MED14: variants seen among roughly 807,000 people sequenced by gnomAD.
The protein encoded by MED14 is mediator of RNA polymerase II transcription subunit 14.
In MED14, 8 loss-of-function variants were observed where a neutral mutation model predicts 109.0. The observed-to-expected ratio is 0.07, with a 90% CI of 0.04 to 0.13. The LOEUF (loss-of-function observed/expected upper bound fraction) is 0.13. MED14 is among the 10% of genes least tolerant of loss of function. The probability of loss-of-function intolerance (pLI) is 1.00; values close to 1 mark genes in which losing one functional copy is unlikely to be tolerated. For missense variants in MED14, 711 were observed against 1,142.4 expected, an observed-to-expected ratio of 0.62 and a Z score of 5.44; for synonymous variants, 399 against 408.7, an observed-to-expected ratio of 0.98 and a Z score of 0.29.
In MED14 at chrX:40,675,164, T is replaced by C. The variant is rs1164846423; in HGVS notation, c.3021+57A>G. ...TCTTTCAATGAAGTCTTGACACCTATAGAACCTGTGAAGTTACAGAAATGT... is the reference window on the plus strand; with the variant it reads ...TCTTTCAATGAAGTCTTGACACCTACAGAACCTGTGAAGTTACAGAAATGT... On this transcript the variant is annotated intron_variant, in intron 22 of 30. Transcript: ENST00000324817. The C allele has an allele frequency of 5.5e-6, 6 of 1,082,998 alleles. No individual in the cohort carries two copies. The African/African-American group carries it at 5.7e-5, about 10-fold the overall frequency. The allele number at this position is 1,082,998 out of a possible 1,213,427, so 89.3% of individuals were successfully genotyped here.
chrX:40,668,477 CGTT>C (rs987116964), intron 23 of MED14, among the ~76,000 whole-genome samples: 1 of 108,759 alleles, frequency 9.2e-6, no homozygotes, highest in African/African-American at 3.4e-5. Flanking sequence ...AACAGTGAAA[CGTT>C]AACTTATTTA....
chrX:40,657,090 T>C (rs1319905557), intron 28 of MED14, among the ~76,000 whole-genome samples: 2 of 111,360 alleles, frequency 1.8e-5, no homozygotes, highest in Non-Finnish European at 3.8e-5. Context: ...AGTTTCACCA[T>C]GTTGGCCAGG....
In MED14 at chrX:40,689,030, C is replaced by G. The variant is rs72624278; in HGVS notation, c.1981-500G>C. ...AAAGATTTCCAATTTGTGCATTTAC[C>G]CAATGACATCTCTTTCCCAATTAAA... On this transcript the variant is annotated intron_variant, in intron 15 of 30. Coordinates refer to ENST00000324817, the MANE Select transcript of MED14 (RefSeq NM_004229.4). Among the ~76,000 whole-genome samples the G allele has an allele frequency of 6.7e-3, 750 of 111,930 alleles. 21 individuals are homozygous for G. The East Asian group carries it at 0.12, about 19-fold the overall frequency.
intron 3 of MED14, among the ~76,000 whole-genome samples, chrX:40,717,127 C>T (rs566061390): frequency 9.0e-6 from 1 of 110,670 alleles, no homozygotes; most frequent in Non-Finnish European, 1.9e-5. Context: ...ATATTCAAAA[C>T]GACCAGAAGA....
chrX:40,729,383 T>TA, intron 1 of MED14, 38 bp from the exon 2 acceptor site: 1 of 1,124,113 alleles, frequency 8.9e-7, no homozygotes, highest in South Asian at 1.9e-5. Context: ...GATACATGCA[T>TA]ACCTTCATTC....
chrX:40,682,771 T>C (rs1930167441), intron 17 of MED14, 22 bp from the exon 18 acceptor site: 1 of 1,202,998 alleles, frequency 8.3e-7, no homozygotes, highest in Admixed American at 2.2e-5. Flanking sequence ...AAAGAGAATA[T>C]TAATAGTAAT....
chrX:40,677,046 C>G (rs1929930088), intron 21 of MED14, among the ~76,000 whole-genome samples: 1 of 111,797 alleles, frequency 8.9e-6, no homozygotes, highest in Non-Finnish European at 1.9e-5. Context: ...CCTCCCAGAT[C>G]CTCTGCTATT....
chrX:40,648,906 T>G lies in MED14; in HGVS notation c.*2900A>C, dbSNP rs1307458932. ...TCACATCCTTAGACACACTGTCCATTCTCAAACCGAATGAAAAAAAAATTC... is the reference window on the plus strand; with the variant it reads ...TCACATCCTTAGACACACTGTCCATGCTCAAACCGAATGAAAAAAAAATTC... On this transcript the variant is annotated 3_prime_UTR_variant, in exon 31 of 31. Transcript: ENST00000324817. 1 of 111,591 alleles carries G rather than the reference T, an allele frequency of 9.0e-6. No individual in the cohort carries two copies. The highest frequency in any genetic ancestry group is 1.9e-5 in the Non-Finnish European group (1 of 53,071). The allele number at this position is 111,591 out of a possible 1,213,427, so 9.2% of individuals were successfully genotyped here. A position where few individuals can be genotyped will look rare whatever the true frequency, so the allele number is the denominator to read the frequency against.
At chrX:40,678,674 T>C (rs756454217) in intron 21 of MED14, among the ~76,000 whole-genome samples, 4 of 109,606 alleles carry the variant, frequency 3.6e-5, no homozygotes, top group African/African-American at 1.3e-4. Context: ...ATACAAAAAT[T>C]ATCCGGGTGT....
At chrX:40,682,803 A>C (rs1253894985) in intron 17 of MED14, 33 bp downstream of exon 17, 58 of 1,208,413 alleles carry the variant, frequency 4.8e-5, no homozygotes, top group Non-Finnish European at 6.5e-5. Flanking sequence ...AAATCCAGAA[A>C]TATGCAAAGA....
intron 24 of MED14, among the ~76,000 whole-genome samples, chrX:40,666,423 T>G (rs1929485464): frequency 9.2e-6 from 1 of 109,165 alleles, no homozygotes; most frequent in Non-Finnish European, 1.9e-5. Context: ...AGCAGCTTGG[T>G]AGACAGCAAG....
intron 23 of MED14, among the ~76,000 whole-genome samples, chrX:40,668,383 C>CAAAAAAAAAAAAAAAAAAAAAAAAA (rs779386609): frequency 2.3e-5 from 1 of 43,331 alleles, no homozygotes; most frequent in Non-Finnish European, 3.8e-5. Context: ...ACTCTGTCTC[C>CAAAAAAAAAAAAAAAAAAAAAAAAA]AAAAAAAAAA....
rs780529952 is a variant in MED14, at chrX:40,705,487, T to C, written c.1286-1918A>G. Among the ~76,000 whole-genome samples, 6 of 112,166 alleles carry C rather than the reference T, an allele frequency of 5.3e-5. No homozygotes were observed. In the East Asian group the frequency reaches 1.7e-3, roughly 31 times the overall value. On this transcript the variant is annotated intron_variant, in intron 10 of 30. Coordinates refer to ENST00000324817, the MANE Select transcript of MED14 (RefSeq NM_004229.4). ...ACAATTTTTTGACTACCAATGTCCA[T>C]ATTTTTCTTTACAGAAAATAAAATA... is the stretch of plus-strand genomic sequence containing the variant.
intron 3 of MED14, among the ~76,000 whole-genome samples, chrX:40,716,030 C>T (rs1289899336): frequency 9.1e-6 from 1 of 110,434 alleles, no homozygotes; most frequent in East Asian, 2.8e-4. Context: ...AAAAAATGAG[C>T]AAAATACCTG....
intron 26 of MED14, among the ~76,000 whole-genome samples, chrX:40,660,363 T>G (rs1929217167): frequency 9.0e-6 from 1 of 111,611 alleles, no homozygotes; most frequent in African/African-American, 3.3e-5. Flanking sequence ...AGTGGCACAT[T>G]AGAAAAAAAG....
intron 3 of MED14, among the ~76,000 whole-genome samples, chrX:40,719,562 C>T (rs1270611057): frequency 1.8e-5 from 2 of 111,418 alleles, no homozygotes; most frequent in Non-Finnish European, 3.8e-5. Flanking sequence ...CACAACACAA[C>T]ACATTTGATT....
intron 3 of MED14, among the ~76,000 whole-genome samples, chrX:40,719,216 A>C (rs1225742792): frequency 1.8e-5 from 2 of 112,125 alleles, no homozygotes; most frequent in Admixed American, 1.9e-4. Context: ...GGAAATGTAA[A>C]ATGGTGTGGC....
chrX:40,730,447 C>G (rs1932036770), intron 1 of MED14, among the ~76,000 whole-genome samples: 1 of 111,541 alleles, frequency 9.0e-6, no homozygotes, highest in African/African-American at 3.3e-5. Flanking sequence ...TGAGAAGCCA[C>G]AGCCCTTGTT....
chrX:40,669,495 C>T (rs1323247913), intron 23 of MED14, among the ~76,000 whole-genome samples: 1 of 111,812 alleles, frequency 8.9e-6, no homozygotes, highest in Non-Finnish European at 1.9e-5. Flanking sequence ...TAGGCTCATA[C>T]AGCCAACTGC....
Sources: gnomAD v4.1 joint callset for allele counts (sites outside exome capture counted in the v4.1 genomes callset) on GRCh38, gnomAD v4.1.1 for gene constraint, MANE v1.5 for transcripts, NCBI Gene and HGNC (gene_info 2026-07-23, HGNC 2026-07-21) for gene names.